Variants in SYNE3 observed in about 807,000 individuals in gnomAD.
SYNE3 encodes the protein spectrin repeat containing nuclear envelope family member 3, also known as nesprin-3.
Under a neutral mutation model 111.2 loss-of-function variants are expected in SYNE3, and 100 were observed. The observed-to-expected ratio is 0.90, with a 90% CI of 0.77 to 1.06. The LOEUF (loss-of-function observed/expected upper bound fraction) is 1.06, where lower values mean the gene tolerates loss of function less well. SYNE3 is among the 50% of genes least tolerant of loss of function. SYNE3 has a pLI of 0.00. For missense variants in SYNE3, 1,160 were observed against 1,240.3 expected (o/e 0.94, Z 0.97); for synonymous variants, 547 against 533.9 (o/e 1.02, Z -0.34).
intron 1 of SYNE3, among the ~76,000 whole-genome samples, chr14:95,512,613 G>A (rs1890761471): frequency 6.6e-6 from 1 of 151,674 alleles, no homozygotes; most frequent in Non-Finnish European, 1.5e-5. Flanking sequence ...AGCACTTTGG[G>A]AGGCTGAGGT....
chr14:95,511,684 C>T (rs1402011936), intron 1 of SYNE3, among the ~76,000 whole-genome samples: 2 of 152,032 alleles, frequency 1.3e-5, no homozygotes, highest in Non-Finnish European at 1.5e-5. Context: ...CACTGCACTC[C>T]AGCCTGGGAG....
At position 95,479,751 on chromosome 14, in the gene SYNE3, C is replaced by T. The variant is rs73340997; in HGVS notation, c.-14-3916G>A. ...CAGGAGGACAGGGGCCACGGGACCT[C>T]AAAGGAGTGGTTGTCACCTGGCTTG... is the stretch of plus-strand genomic sequence containing the variant. On this transcript the variant is annotated intron_variant, in intron 1 of 17. Coordinates refer to ENST00000682763, the MANE Select transcript of SYNE3 (RefSeq NM_152592.6). 9.8e-3 allele frequency among the ~76,000 whole-genome samples: 1,487 copies of T among 152,170 alleles called. 24 individuals carry two copies. Among genetic ancestry groups the T allele is most frequent in the African/African-American group, 0.034 (1,396 of 41,500 alleles).
chr14:95,495,271 G>A (rs1448488511), intron 1 of SYNE3, among the ~76,000 whole-genome samples: 1 of 152,208 alleles, frequency 6.6e-6, no homozygotes, highest in Non-Finnish European at 1.5e-5. Context: ...TGTCCTTACA[G>A]TCCTTTTCCC....
chr14:95,515,460 G>A (rs1168389810), intron 1 of SYNE3, among the ~76,000 whole-genome samples: 1 of 152,222 alleles, frequency 6.6e-6, no homozygotes, highest in Non-Finnish European at 1.5e-5. Flanking sequence ...GAGCCAGGCA[G>A]TGTGGCTCTG....
intron 1 of SYNE3, among the ~76,000 whole-genome samples, chr14:95,484,309 G>T (rs1889424235): frequency 1.3e-5 from 2 of 152,190 alleles, no homozygotes; most frequent in East Asian, 1.9e-4. Context: ...CCTAGGGCAG[G>T]GTGGGTGGCT....
chr14:95,478,600 C>G (rs1238526343), intron 1 of SYNE3, among the ~76,000 whole-genome samples: 1 of 152,198 alleles, frequency 6.6e-6, no homozygotes, highest in Non-Finnish European at 1.5e-5. Flanking sequence ...TGCACAGGCG[C>G]TGGTCACTCC....
In SYNE3 at chr14:95,409,843, G is replaced by T. The variant is rs910233798; in HGVS notation, c.*7983C>A. ...AATTGGGTGATGAGGGCCACCTGTG[G>T]GGTGCCCCCACCCACTTTCCTTTTC... is the stretch of plus-strand genomic sequence containing the variant. On this transcript the variant is annotated 3_prime_UTR_variant, in exon 18 of 18. Coordinates refer to ENST00000682763, the MANE Select transcript of SYNE3 (RefSeq NM_152592.6). 2 of 173,958 alleles carry T rather than the reference G, an allele frequency of 1.1e-5. No homozygotes were observed. The highest frequency in any genetic ancestry group is 2.5e-5 in the Non-Finnish European group (2 of 80,060). 10.8% of individuals were successfully genotyped at this position (173,958 alleles called of 1,614,324 possible).
Position 95,436,916 on chromosome 14 carries a change from C to A in SYNE3, c.2442G>T (p.Gly814=). 6.2e-7 allele frequency: 1 copy of A among 1,614,178 alleles called. No homozygotes were observed. The highest frequency in any genetic ancestry group is 1.3e-5 in the African/African-American group (1 of 75,030). ...TGGAGTTTTCCACCTGCAACCACTG[C>A]CCAAAGTTCCTCAGGAGCTGGGAGA... ...EDFSQLLRNF[G]QWLQVENSKL... is the part of the protein sequence containing the mutation. The change falls in exon 15 of 18, where the codon GGG becomes GGT. Residue 814 remains glycine (G), a synonymous_variant. Transcript: ENST00000682763.
chr14:95,445,042 A>C (rs1886631881), intron 9 of SYNE3, among the ~76,000 whole-genome samples: 1 of 152,244 alleles, frequency 6.6e-6, no homozygotes, highest in South Asian at 2.1e-4. Context: ...TCACAGAAAC[A>C]GTCTGCCAAC....
Position 95,410,383 on chromosome 14 carries a change from T to G in SYNE3, c.*7443A>C, listed in dbSNP as rs1281510983. 1.3e-5 allele frequency: 2 copies of G among 152,192 alleles called. No individual in the cohort carries two copies. Among genetic ancestry groups the G allele is most frequent in the African/African-American group, 2.4e-5 (1 of 41,446 alleles). 9.4% of individuals were successfully genotyped at this position (152,192 alleles called of 1,614,324 possible). On this transcript the variant is annotated 3_prime_UTR_variant, in exon 18 of 18. Transcript: ENST00000682763. ...TTCATTCTTACTAGAAGAGCCCCCA[T>G]CTTTTTGGGGCACATGTTCCCAGAC...
chr14:95,418,761 C>A (rs1335870262), intron 17 of SYNE3, among the ~76,000 whole-genome samples: 1 of 152,116 alleles, frequency 6.6e-6, no homozygotes, highest in East Asian at 1.9e-4. Context: ...TGCCACCATG[C>A]CCAGCTAATT....
In SYNE3 at chr14:95,455,637, A is replaced by G. The variant is rs1470796527; in HGVS notation, c.877T>C (p.Leu293=). 1.2e-6 allele frequency: 2 copies of G among 1,614,126 alleles called. No individual in the cohort carries two copies. The highest frequency in any genetic ancestry group is 8.5e-7 in the Non-Finnish European group (1 of 1,180,014). ...SAGVIRNTSP[L]GAEKITGELE... is the part of the protein sequence containing the mutation. ...TCTCCGGTGATCTTCTCTGCACCCA[A>G]AGGAGAGGTGTTCCGAATGACACCC... The change falls in exon 6 of 18, where the codon TTG becomes CTG. Residue 293 remains leucine, a synonymous_variant. Transcript: ENST00000682763.
At position 95,412,644 on chromosome 14, in the gene SYNE3, C is replaced by G. The variant is rs1903465246; in HGVS notation, c.*5182G>C. 1 of 152,220 alleles carries G rather than the reference C, an allele frequency of 6.6e-6. No homozygotes were observed. The highest frequency in any genetic ancestry group is 2.4e-5 in the African/African-American group (1 of 41,452). 9.4% of individuals were successfully genotyped at this position (152,220 alleles called of 1,614,324 possible). Reference sequence around the variant, plus strand: ...CCACAGCTGGCAGGCTCCTGGCCTCCCCTGAACCCAGTTGCCACAACTTTC... The same window carrying G: ...CCACAGCTGGCAGGCTCCTGGCCTCGCCTGAACCCAGTTGCCACAACTTTC... On this transcript the variant is annotated 3_prime_UTR_variant, in exon 18 of 18. Coordinates refer to ENST00000682763, the MANE Select transcript of SYNE3 (RefSeq NM_152592.6).
At position 95,418,001 on chromosome 14, in the gene SYNE3, G is replaced by T; in HGVS notation, c.2753C>A (p.Ser918Tyr). Residue 918 changes from serine to tyrosine, a missense_variant, in exon 18 of 18, where the codon TCC (serine) becomes TAC (tyrosine). Coordinates refer to ENST00000682763, the MANE Select transcript of SYNE3 (RefSeq NM_152592.6). ...CACACAGCACGCCCTCCGGAAGAGG[G>T]AGCCCAGTCCTCGCCACCGCCGAGT... ...QKTRRWRGLG[S>Y]LFRRACCVAL... is the part of the protein sequence containing the mutation. The T allele has an allele frequency of 1.2e-6, 2 of 1,611,642 alleles. No homozygotes were observed. The highest frequency in any genetic ancestry group is 1.1e-5 in the South Asian group (1 of 90,966).
Position 95,511,656 on chromosome 14 carries a change from G to A in SYNE3, c.-15+4940C>T, listed in dbSNP as rs1279296207. ...CTTGAACCCGGGAGGCAGAGGTTAC[G>A]GTGAGCTGAGATCACACCACTGCAC... is the stretch of plus-strand genomic sequence containing the variant. On this transcript the variant is annotated intron_variant, in intron 1 of 17. Transcript: ENST00000682763. Among the ~76,000 whole-genome samples, 5 of 152,036 alleles carry A rather than the reference G, an allele frequency of 3.3e-5. 1 individual carries two copies. Among genetic ancestry groups the A allele is most frequent in the South Asian group, 4.2e-4 (2 of 4,810 alleles).
At chr14:95,491,025 A>G (rs1375169471) in intron 1 of SYNE3, among the ~76,000 whole-genome samples, 1 of 152,190 alleles carries the variant, frequency 6.6e-6, no homozygotes, top group Admixed American at 6.5e-5. Context: ...CTTATTCAAT[A>G]AATACACACA....
At chr14:95,442,631 T>C (rs1416758028) in intron 11 of SYNE3, among the ~76,000 whole-genome samples, 1 of 152,052 alleles carries the variant, frequency 6.6e-6, no homozygotes, top group Non-Finnish European at 1.5e-5. Context: ...GAGCTTTGAG[T>C]TCCATCCCTA....
intron 17 of SYNE3, among the ~76,000 whole-genome samples, chr14:95,423,763 T>TTTGATGGGGATGGGGA (rs1885278723): frequency 1.7e-3 from 36 of 21,766 alleles, no homozygotes; most frequent in Non-Finnish European, 2.3e-3. Flanking sequence ...GGGGATGGGG[T>TTTGATGGGGATGGGGA]TTTGATGGGG....
intron 1 of SYNE3, among the ~76,000 whole-genome samples, chr14:95,506,903 G>A (rs560395082): frequency 6.6e-6 from 1 of 152,286 alleles, no homozygotes; most frequent in East Asian, 1.9e-4. Flanking sequence ...TTCCACCTGA[G>A]GTCCAGGAGC....
Sources: gnomAD v4.1 joint callset for allele counts (sites outside exome capture counted in the v4.1 genomes callset) on GRCh38, gnomAD v4.1.1 for gene constraint, MANE v1.5 for transcripts, NCBI Gene and HGNC (gene_info 2026-07-23, HGNC 2026-07-21) for gene names.